Variants in ARHGAP25 observed in about 807,000 individuals in gnomAD.
ARHGAP25 encodes Rho GTPase activating protein 25, also known as rho GTPase-activating protein 25.
ARHGAP25 carries 34 observed loss-of-function variants against 71.0 expected under a neutral mutation model. The ratio of observed to expected loss-of-function variants is 0.48; its 90% CI spans 0.36 to 0.64. The LOEUF is 0.64. ARHGAP25 is among the 30% of genes least tolerant of loss of function. ARHGAP25 has a pLI of 0.00. For synonymous variants in ARHGAP25, 282 were observed against 296.5 expected (o/e 0.95, Z 0.50); for missense variants, 706 against 805.1 (o/e 0.88, Z 1.49).
chr2:68,763,836 T>TTA (rs1676966800), intron 1 of ARHGAP25, among the ~76,000 whole-genome samples: 1 of 152,156 alleles, frequency 6.6e-6, no homozygotes, highest in Admixed American at 6.5e-5. Context: ...TGTATGGCAG[T>TTA]TATATATATT....
chr2:68,735,141 G>A lies in ARHGAP25; in HGVS notation c.-59G>A. 2 of 1,394,876 alleles carry A rather than the reference G, an allele frequency of 1.4e-6. No homozygotes were observed. Among genetic ancestry groups the A allele is most frequent in the Admixed American group, 1.7e-5 (1 of 59,644 alleles). 86.4% of individuals were successfully genotyped at this position (1,394,876 alleles called of 1,614,324 possible). On this transcript the variant is annotated 5_prime_UTR_variant, in exon 1 of 11. Transcript: ENST00000409202. ...GAGGGAAAGAGTGAAAAGACAAGAA[G>A]GGCGCAAACTGTGACAGACTCACCG... is the stretch of plus-strand genomic sequence containing the variant.
Position 68,757,446 on chromosome 2 carries a change from A to C in ARHGAP25, c.62-17775A>C, listed in dbSNP as rs1676551483. 2.6e-5 allele frequency among the ~76,000 whole-genome samples: 4 copies of C among 152,216 alleles called. No individual in the cohort carries two copies. In the South Asian group the frequency reaches 8.3e-4, roughly 31 times the overall value. On this transcript the variant is annotated intron_variant, in intron 1 of 10. Coordinates refer to ENST00000409202, the MANE Select transcript of ARHGAP25 (RefSeq NM_001007231.3). The stretch of plus-strand genomic sequence containing the variant: ...TGTCTCATACAAGGAATTTTCAATA[A>C]GATTATGGGCAAATTTATCGTCAGA...
intron 1 of ARHGAP25, among the ~76,000 whole-genome samples, chr2:68,766,921 C>T (rs1677159664): frequency 6.6e-6 from 1 of 152,182 alleles, no homozygotes; most frequent in Admixed American, 6.5e-5. Flanking sequence ...AAGCCCCTTT[C>T]CAAAGCAGAT....
chr2:68,729,662 A>G (rs1674966378), intron 2 of ARHGAP25, among the ~76,000 whole-genome samples: 1 of 151,698 alleles, frequency 6.6e-6, no homozygotes, highest in South Asian at 2.1e-4. Flanking sequence ...CTCTGAGGGA[A>G]CTGGGCCCTA....
At chr2:68,716,189 T>C (rs1674605397) in intron 2 of ARHGAP25, among the ~76,000 whole-genome samples, 1 of 152,178 alleles carries the variant, frequency 6.6e-6, no homozygotes, top group Non-Finnish European at 1.5e-5. Flanking sequence ...TGCCATCTAT[T>C]TGGGGAAAGC....
intron 2 of ARHGAP25, among the ~76,000 whole-genome samples, chr2:68,776,252 G>T (rs1677906759): frequency 6.6e-6 from 1 of 152,202 alleles, no homozygotes; most frequent in African/African-American, 2.4e-5. Flanking sequence ...GGGTAGTCAG[G>T]GGTCAGGGGC....
chr2:68,816,591 A>T (rs1428250104), intron 7 of ARHGAP25: 3 of 530,428 alleles, frequency 5.7e-6, no homozygotes, highest in Non-Finnish European at 1.0e-5. Context: ...CTGCCTCAGC[A>T]CTGCCCAGAG....
chr2:68,766,399 G>A (rs193263834), intron 1 of ARHGAP25, among the ~76,000 whole-genome samples: 2 of 152,302 alleles, frequency 1.3e-5, no homozygotes, highest in East Asian at 3.9e-4. Flanking sequence ...GCAGCTCTGG[G>A]GCAGTGTTCT....
intron 1 of ARHGAP25, chr2:68,774,805 G>A: frequency 9.1e-7 from 1 of 1,093,192 alleles, no homozygotes; most frequent in Non-Finnish European, 1.1e-6. Context: ...CTCACCCCGA[G>A]CCTTCAGAGT....
chr2:68,806,727 T>C (rs1437362739), intron 4 of ARHGAP25, among the ~76,000 whole-genome samples: 1 of 152,236 alleles, frequency 6.6e-6, no homozygotes, highest in Admixed American at 6.5e-5. Context: ...TTTAATATTT[T>C]CAGACTGCAG....
intron 1 of ARHGAP25, among the ~76,000 whole-genome samples, chr2:68,743,949 A>C (rs1675668267): frequency 6.6e-6 from 1 of 152,196 alleles, no homozygotes; most frequent in East Asian, 1.9e-4. Context: ...GAAGCCACAC[A>C]ATTTATGGCA....
Position 68,819,368 on chromosome 2 carries a change from C to T in ARHGAP25, c.1200+49C>T, listed in dbSNP as rs370176484. The T allele has an allele frequency of 1.9e-6, 3 of 1,596,368 alleles. No homozygotes were observed. The East Asian group carries it at 6.7e-5, about 36-fold the overall frequency. On this transcript the variant is annotated intron_variant, in intron 9 of 10. Transcript: ENST00000409202. ...CTTCCATTGGGTTCTTCCTTTAGTC[C>T]AGGCCATCCCATGTAAGGCCTGCTC... is the stretch of plus-strand genomic sequence containing the variant.
At chr2:68,803,016 T>TAG (rs1680119252) in intron 4 of ARHGAP25, among the ~76,000 whole-genome samples, 3 of 151,004 alleles carry the variant, frequency 2.0e-5, no homozygotes, top group Non-Finnish European at 3.0e-5. Flanking sequence ...TATATATATA[T>TAG]ATAGAGAGAG....
At position 68,753,893 on chromosome 2, in the gene ARHGAP25, C is replaced by T. The variant is rs567663144; in HGVS notation, c.61+18633C>T. Among the ~76,000 whole-genome samples the T allele has an allele frequency of 6.1e-5, 9 of 148,064 alleles. No individual in the cohort carries two copies. The East Asian group carries it at 1.2e-3, about 19-fold the overall frequency. On this transcript the variant is annotated intron_variant, in intron 1 of 10. Transcript: ENST00000409202. ...AAAACAATGTTTTTAAATGGTCATT[C>T]GGTAAGATGTATTTTTTTTTTTTTT...
At chr2:68,802,504 T>C (rs1680053372) in intron 4 of ARHGAP25, among the ~76,000 whole-genome samples, 1 of 151,278 alleles carries the variant, frequency 6.6e-6, no homozygotes, top group East Asian at 1.9e-4. Flanking sequence ...GCTAATTGGG[T>C]TAGTTAAGTG....
rs1681803818 is a variant in ARHGAP25, at chr2:68,822,785, A to T, written c.1646A>T (p.Glu549Val). The change falls in exon 10 of 11, where the codon GAG (glutamate) becomes GTG (valine). Residue 549 changes from glutamate to valine, a missense_variant. Physicochemically the swap from Glu to Val is moderately radical, Grantham distance 121 (BLOSUM62 -2). Transcript: ENST00000409202. ...TGPGKKNSGEEEIDSLQRMVQ... is the reference protein window; with the variant it reads ...TGPGKKNSGEVEIDSLQRMVQ... ...CCTGGAAAAAAGAACTCTGGAGAAGAGGAAATTGATTCTTTGCAGAGGATG... is the reference window on the plus strand; with the variant it reads ...CCTGGAAAAAAGAACTCTGGAGAAGTGGAAATTGATTCTTTGCAGAGGATG... The T allele has an allele frequency of 1.2e-6, 2 of 1,614,244 alleles. No homozygotes were observed. Among genetic ancestry groups the T allele is most frequent in the African/African-American group, 2.7e-5 (2 of 75,074 alleles).
At position 68,787,397 on chromosome 2, in the gene ARHGAP25, A is replaced by C. The variant is rs545623807; in HGVS notation, c.350-443A>C. The stretch of plus-strand genomic sequence containing the variant: ...CACACATCTATTCACTGTCACTCCC[A>C]CCTGAGGTTGTCATCTCCTACCCTA... On this transcript the variant is annotated intron_variant, in intron 3 of 10. Coordinates refer to ENST00000409202, the MANE Select transcript of ARHGAP25 (RefSeq NM_001007231.3). Among the ~76,000 whole-genome samples the C allele has an allele frequency of 3.3e-4, 50 of 152,304 alleles. No homozygotes were observed. The South Asian group carries it at 0.01, about 31-fold the overall frequency.
chr2:68,821,591 C>T (rs1276248125), intron 9 of ARHGAP25, among the ~76,000 whole-genome samples: 1 of 152,188 alleles, frequency 6.6e-6, no homozygotes, highest in African/African-American at 2.4e-5. Context: ...AGAAGCAATG[C>T]ATGAAAGAAC....
At chr2:68,724,412 A>G (rs900220901) in intron 2 of ARHGAP25, among the ~76,000 whole-genome samples, 2 of 152,188 alleles carry the variant, frequency 1.3e-5, no homozygotes, top group African/African-American at 4.8e-5. Context: ...CCCCTCTGCA[A>G]CAGCAGACAG....
Sources: allele counts gnomAD v4.1 joint callset (sites outside exome capture counted in the v4.1 genomes callset), GRCh38; gene constraint gnomAD v4.1.1; transcripts MANE v1.5; gene names NCBI Gene and HGNC (gene_info 2026-07-23, HGNC 2026-07-21).